Variants in CDH4 observed in about 807,000 individuals in gnomAD.
CDH4 encodes cadherin-4.
In CDH4, 33 loss-of-function variants were observed where a neutral mutation model predicts 86.0. The ratio of observed to expected loss-of-function variants is 0.38; its 90% CI spans 0.29 to 0.51. CDH4 has a LOEUF of 0.51. CDH4 is among the 20% of genes least tolerant of loss of function. The pLI is 0.86. For synonymous variants in CDH4, 555 were observed against 549.4 expected, an observed-to-expected ratio of 1.01 and a Z score of -0.14; for missense variants, 1,114 against 1,307.4, an observed-to-expected ratio of 0.85 and a Z score of 2.28.
At chr20:61,660,033 A>G (rs953523859) in intron 2 of CDH4, among the ~76,000 whole-genome samples, 3 of 148,092 alleles carry the variant, frequency 2.0e-5, no homozygotes, top group Admixed American at 6.7e-5. Context: ...TCCGGCTGTG[A>G]TACCCGCTCC....
At chr20:61,706,128 C>T (rs1340569988) in intron 2 of CDH4, among the ~76,000 whole-genome samples, 2 of 152,324 alleles carry the variant, frequency 1.3e-5, no homozygotes, top group East Asian at 1.9e-4. Flanking sequence ...GAGGAACAGC[C>T]GGCCCGACGC....
rs1041992512 is a variant in CDH4 at position 61,722,930 on chromosome 20, C to T, written c.170-20633C>T. On this transcript the variant is annotated intron_variant, in intron 2 of 15. Transcript: ENST00000614565. ...TGTGACCTGAGAGTATCCGCTGATT[C>T]TTTCCTCGTGCTCTTTAGAAACAGG... Among the ~76,000 whole-genome samples, 6 of 152,186 alleles carry T rather than the reference C, an allele frequency of 3.9e-5. No homozygotes were observed. In the South Asian group the frequency reaches 1.2e-3, roughly 32 times the overall value.
chr20:61,401,811 A>T (rs2085051027), intron 2 of CDH4, among the ~76,000 whole-genome samples: 1 of 152,188 alleles, frequency 6.6e-6, no homozygotes, highest in South Asian at 2.1e-4. Context: ...CCCCAGTGTA[A>T]GTGAAGGGTC....
intron 2 of CDH4, among the ~76,000 whole-genome samples, chr20:61,459,494 G>A (rs1031865388): frequency 4.0e-5 from 6 of 149,818 alleles, no homozygotes; most frequent in African/African-American, 1.2e-4. Context: ...TCCAGTGTTG[G>A]CCATTCACCA....
At chr20:61,729,732 TAGAC>T (rs1364469631) in intron 2 of CDH4, among the ~76,000 whole-genome samples, 5 of 152,224 alleles carry the variant, frequency 3.3e-5, no homozygotes, top group African/African-American at 4.8e-5. Context: ...TGGCTTTTCT[TAGAC>T]AGGAAGAATC....
chr20:61,623,380 A>G lies in CDH4; in HGVS notation c.170-120183A>G, dbSNP rs976373407. Among the ~76,000 whole-genome samples the G allele has an allele frequency of 2.6e-5, 4 of 152,028 alleles. No homozygotes were observed. The highest frequency in any genetic ancestry group is 1.9e-4 in the East Asian group (1 of 5,174). ...TGTTACCTTTCCCCACCCCATCACA[A>G]AGCCCCCTTTAAACTCCCGTTTAGA... On this transcript the variant is annotated intron_variant, in intron 2 of 15. Transcript: ENST00000614565. This position sits in a 1 kb window ranked among gnomAD's most constrained non-coding sequence, Gnocchi z 4.4.
At position 61,765,212 on chromosome 20, in the gene CDH4, G is replaced by A. The variant is rs554850162; in HGVS notation, c.397-7791G>A. 2.3e-3 allele frequency among the ~76,000 whole-genome samples: 354 copies of A among 152,224 alleles called. 2 individuals are homozygous for A. The highest frequency in any genetic ancestry group is 8.4e-3 in the African/African-American group (349 of 41,528). On this transcript the variant is annotated intron_variant, in intron 3 of 15. Coordinates refer to ENST00000614565, the MANE Select transcript of CDH4 (RefSeq NM_001794.5). ...AGTTCATCTGCTGCCACTCCTGGCC[G>A]CTCAGGGCTCGGAGGGGTCCCGAGG...
rs567122392 is a variant in CDH4 at position 61,512,908 on chromosome 20, T to C, written c.170-230655T>C. Among the ~76,000 whole-genome samples, 3 of 152,338 alleles carry C rather than the reference T, an allele frequency of 2.0e-5. No individual in the cohort carries two copies. The East Asian group carries it at 5.8e-4, about 29-fold the overall frequency. On this transcript the variant is annotated intron_variant, in intron 2 of 15. Coordinates refer to ENST00000614565, the MANE Select transcript of CDH4 (RefSeq NM_001794.5). ...GATTGAGCTTGTTCAGTTTGTGTGT[T>C]TGTTTGTTTTTTGGGCCAATTACAA...
chr20:61,905,305 A>G (rs1252078816), intron 8 of CDH4, among the ~76,000 whole-genome samples: 1 of 152,226 alleles, frequency 6.6e-6, no homozygotes, highest in African/African-American at 2.4e-5. Flanking sequence ...TTAAACTTGC[A>G]TGATTTAGAA....
Position 61,544,370 on chromosome 20 carries a change from A to C in CDH4, c.170-199193A>C, listed in dbSNP as rs1490395560. Among the ~76,000 whole-genome samples, 1 of 151,890 alleles carries C rather than the reference A, an allele frequency of 6.6e-6. No homozygotes were observed. The highest frequency in any genetic ancestry group is 1.5e-5 in the Non-Finnish European group (1 of 67,954). On this transcript the variant is annotated intron_variant, in intron 2 of 15. Transcript: ENST00000614565. This position sits in a 1 kb window ranked among gnomAD's most constrained non-coding sequence, Gnocchi z 6.5. ...TGTATCACTCGTGTCCAGGCCGAGA[A>C]ACCCGACGTAGAAATCCAGCTTGCC...
chr20:61,552,310 GT>G (rs1417842561), intron 2 of CDH4, among the ~76,000 whole-genome samples: 1 of 152,186 alleles, frequency 6.6e-6, no homozygotes, highest in Non-Finnish European at 1.5e-5. Context: ...ATGAGCAAAA[GT>G]TTTGAATATT....
intron 2 of CDH4, among the ~76,000 whole-genome samples, chr20:61,720,709 G>A (rs78389160): frequency 0.033 from 5,004 of 152,068 alleles, 262 homozygotes; most frequent in African/African-American, 0.11. Context: ...TTTCTGATCC[G>A]TGGATACACA....
chr20:61,828,325 A>T (rs1398343217), intron 4 of CDH4, among the ~76,000 whole-genome samples: 1 of 152,214 alleles, frequency 6.6e-6, no homozygotes, highest in Non-Finnish European at 1.5e-5. Context: ...CCCATTACAC[A>T]TGATCCTGAC....
intron 2 of CDH4, among the ~76,000 whole-genome samples, chr20:61,411,204 G>A (rs2085117658): frequency 6.6e-6 from 1 of 151,620 alleles, no homozygotes. Flanking sequence ...CTAATGAGGT[G>A]CCTGCTTTCA....
intron 2 of CDH4, among the ~76,000 whole-genome samples, chr20:61,712,119 G>A (rs906341696): frequency 2.6e-5 from 4 of 152,168 alleles, no homozygotes; most frequent in African/African-American, 7.2e-5. Context: ...GGTCTTCCAC[G>A]TGGATGATGG....
chr20:61,565,234 TGGTGGTGG>T (rs2086271795), intron 2 of CDH4, among the ~76,000 whole-genome samples: 4 of 53,176 alleles, frequency 7.5e-5, no homozygotes, highest in Non-Finnish European at 1.2e-4. Flanking sequence ...GTGGTGGTGG[TGGTGGTGG>T]CGGTGCTCTT....
intron 9 of CDH4, among the ~76,000 whole-genome samples, chr20:61,921,067 G>A (rs1402170434): frequency 1.3e-5 from 2 of 151,070 alleles, no homozygotes; most frequent in Non-Finnish European, 2.9e-5. Context: ...GAAGCGTGGT[G>A]TCGTGATTGC....
intron 4 of CDH4, among the ~76,000 whole-genome samples, chr20:61,808,727 G>T (rs1203566059): frequency 6.6e-6 from 1 of 152,228 alleles, no homozygotes; most frequent in Non-Finnish European, 1.5e-5. Flanking sequence ...TCCAACCCGC[G>T]TTCCTGCATA....
chr20:61,598,108 C>T (rs896137053), intron 2 of CDH4, among the ~76,000 whole-genome samples: 2 of 152,176 alleles, frequency 1.3e-5, no homozygotes, highest in Non-Finnish European at 2.9e-5. Flanking sequence ...CCAGACACGC[C>T]GGGCACTGTG....
Sources: gnomAD v4.1 joint callset for allele counts (sites outside exome capture counted in the v4.1 genomes callset) on GRCh38, gnomAD v4.1.1 for gene constraint, Gnocchi (gnomAD v3.1) non-coding constraint, MANE v1.5 for transcripts, NCBI Gene and HGNC (gene_info 2026-07-23, HGNC 2026-07-21) for gene names.